The following GPC5 variants were observed in gnomAD, a reference collection of about 807,000 sequenced individuals.
The protein encoded by GPC5 is glypican-5.
Under a neutral mutation model 53.9 loss-of-function variants are expected in GPC5, and 47 were observed. The ratio of observed to expected loss-of-function variants is 0.87; its 90% CI spans 0.69 to 1.11. The LOEUF is 1.11. Ranked by LOEUF, GPC5 falls within the 50% of genes most tolerant of loss-of-function variation. The probability of loss-of-function intolerance (pLI) is 0.00; values close to 1 mark genes in which losing one functional copy is unlikely to be tolerated. For missense variants in GPC5, 748 were observed against 713.1 expected, an observed-to-expected ratio of 1.05 and a Z score of -0.56; for synonymous variants, 286 against 263.3, an observed-to-expected ratio of 1.09 and a Z score of -0.84.
At chr13:92,215,262 A>G (rs28640939) in intron 7 of GPC5, among the ~76,000 whole-genome samples, 4,618 of 152,292 alleles carry the variant, frequency 0.03, 226 homozygotes, top group African/African-American at 0.1. Flanking sequence ...TGTTTCCAAC[A>G]AGGTATTTTT....
At chr13:91,839,888 T>TGCTGTTAGACATCATGGCAAC (rs1440990120) in intron 5 of GPC5, among the ~76,000 whole-genome samples, 1 of 152,120 alleles carries the variant, frequency 6.6e-6, no homozygotes, top group Admixed American at 6.6e-5. Flanking sequence ...TCCATGGCAA[T>TGCTGTTAGACATCATGGCAAC]GCTGTTAGAC....
chr13:91,702,507 G>A (rs1258633375), intron 3 of GPC5, among the ~76,000 whole-genome samples: 2 of 152,044 alleles, frequency 1.3e-5, no homozygotes, highest in African/African-American at 4.8e-5. Flanking sequence ...TGGTCTGCAT[G>A]TCTGTCTTTA....
intron 3 of GPC5, among the ~76,000 whole-genome samples, chr13:91,721,463 T>TA (rs1436383659): frequency 6.6e-6 from 1 of 152,200 alleles, no homozygotes. Flanking sequence ...GCCCTGTGCA[T>TA]ACATCTCTCC....
intron 7 of GPC5, among the ~76,000 whole-genome samples, chr13:92,829,407 A>G (rs1041722192): frequency 2.7e-4 from 41 of 152,204 alleles, no homozygotes; most frequent in Non-Finnish European, 3.8e-4. Flanking sequence ...AGACAGACTC[A>G]CTACAGAAAT....
chr13:92,743,862 G>A lies in GPC5; in HGVS notation c.1562-122420G>A, dbSNP rs576209915. 6.6e-5 allele frequency among the ~76,000 whole-genome samples: 10 copies of A among 152,152 alleles called. No individual in the cohort carries two copies. The East Asian group carries it at 1.9e-3, about 29-fold the overall frequency. On this transcript the variant is annotated intron_variant, in intron 7 of 7. Transcript: ENST00000377067. Reference sequence around the variant, plus strand: ...GATAATCATGTGGTTTTTGTCTTTGGTTCTGTTTATATGCTGGATTACGTT... The same window carrying A: ...GATAATCATGTGGTTTTTGTCTTTGATTCTGTTTATATGCTGGATTACGTT...
chr13:92,729,439 A>G (rs1217448659), intron 7 of GPC5, among the ~76,000 whole-genome samples: 1 of 151,424 alleles, frequency 6.6e-6, no homozygotes, highest in African/African-American at 2.4e-5. Flanking sequence ...AACCTATAAC[A>G]TTGTGTGAAA....
chr13:91,488,435 G>A (rs1028869980), intron 2 of GPC5, among the ~76,000 whole-genome samples: 7 of 152,154 alleles, frequency 4.6e-5, no homozygotes, highest in Non-Finnish European at 5.9e-5. Context: ...CAGGGACCCC[G>A]AACGGAGGGA....
chr13:92,297,032 C>G (rs986889797), intron 7 of GPC5, among the ~76,000 whole-genome samples: 2 of 152,218 alleles, frequency 1.3e-5, no homozygotes, highest in Non-Finnish European at 2.9e-5. Context: ...ATTGACCACC[C>G]AAGGGCTGAG....
intron 3 of GPC5, among the ~76,000 whole-genome samples, chr13:91,702,431 T>C (rs1204846565): frequency 5.3e-5 from 8 of 152,124 alleles, no homozygotes; most frequent in Non-Finnish European, 1.0e-4. Flanking sequence ...TCAGGTCTTA[T>C]GTTAGTCCAA....
intron 7 of GPC5, among the ~76,000 whole-genome samples, chr13:92,830,996 A>G (rs1318675501): frequency 6.6e-6 from 1 of 152,162 alleles, no homozygotes; most frequent in Non-Finnish European, 1.5e-5. Context: ...TACAAATCCA[A>G]GGAAAATGTT....
At chr13:92,133,030 A>G (rs771939182) in intron 6 of GPC5, among the ~76,000 whole-genome samples, 1 of 152,144 alleles carries the variant, frequency 6.6e-6, no homozygotes, top group African/African-American at 2.4e-5. Flanking sequence ...ATTAGTCTCA[A>G]CAAGATTGAT....
At chr13:92,790,128 C>T (rs941252253) in intron 7 of GPC5, among the ~76,000 whole-genome samples, 3 of 152,084 alleles carry the variant, frequency 2.0e-5, no homozygotes, top group Admixed American at 2.0e-4. Flanking sequence ...TTTGATGGTG[C>T]CCACCCAGAC....
At chr13:91,619,221 A>G (rs1406530814) in intron 2 of GPC5, among the ~76,000 whole-genome samples, 1 of 152,128 alleles carries the variant, frequency 6.6e-6, no homozygotes, top group African/African-American at 2.4e-5. Flanking sequence ...AATTTAATTT[A>G]GAAAAGGTTA....
intron 7 of GPC5, among the ~76,000 whole-genome samples, chr13:92,840,088 T>TATATATATATAC (rs1403492163): frequency 5.7e-4 from 23 of 40,594 alleles, no homozygotes; most frequent in African/African-American, 2.2e-3. Flanking sequence ...CATATATATA[T>TATATATATATAC]ATATATATAT....
intron 7 of GPC5, among the ~76,000 whole-genome samples, chr13:92,397,634 T>C (rs1054873080): frequency 1.3e-5 from 2 of 152,224 alleles, no homozygotes; most frequent in African/African-American, 2.4e-5. Context: ...ATGGTGATGG[T>C]TTCCTCTGCA....
At chr13:91,612,781 A>G (rs980029247) in intron 2 of GPC5, among the ~76,000 whole-genome samples, 1 of 152,214 alleles carries the variant, frequency 6.6e-6, no homozygotes, top group African/African-American at 2.4e-5. Context: ...TAGTATTTTA[A>G]AAATATTTTA....
intron 7 of GPC5, among the ~76,000 whole-genome samples, chr13:92,232,220 G>A (rs1307151293): frequency 6.6e-6 from 1 of 151,768 alleles, no homozygotes; most frequent in Non-Finnish European, 1.5e-5. Flanking sequence ...AGTATTATTG[G>A]CATGTCCATA....
intron 2 of GPC5, among the ~76,000 whole-genome samples, chr13:91,503,795 T>TAATAATAAG (rs1884785471): frequency 6.9e-6 from 1 of 144,290 alleles, no homozygotes; most frequent in African/African-American, 2.6e-5. Context: ...ATAATAATAA[T>TAATAATAAG]AATAATAATA....
At chr13:92,594,828 T>C (rs1048012908) in intron 7 of GPC5, among the ~76,000 whole-genome samples, 2 of 152,250 alleles carry the variant, frequency 1.3e-5, no homozygotes, top group Non-Finnish European at 2.9e-5. Flanking sequence ...GCCCTTAACA[T>C]GCAAACACTC....
Sources: allele counts gnomAD v4.1 joint callset (sites outside exome capture counted in the v4.1 genomes callset), GRCh38; gene constraint gnomAD v4.1.1; transcripts MANE v1.5; gene names NCBI Gene and HGNC (gene_info 2026-07-23, HGNC 2026-07-21).